The following FHIT variants were observed in gnomAD, a reference collection of about 807,000 sequenced individuals.
The protein encoded by FHIT is bis(5'-adenosyl)-triphosphatase.
A neutral mutation model predicts 17.9 loss-of-function variants in FHIT; 19 were observed. The ratio of observed to expected loss-of-function variants is 1.06; its 90% confidence interval spans 0.74 to 1.56. The LOEUF (loss-of-function observed/expected upper bound fraction) is 1.56, where lower values mean the gene tolerates loss of function less well. Among genes scored for constraint, FHIT ranks in the 40% most tolerant of loss-of-function variants. The probability of loss-of-function intolerance (pLI) is 0.00; values close to 1 mark genes in which losing one functional copy is unlikely to be tolerated. For synonymous variants in FHIT, 81 were observed against 69.7 expected, an observed-to-expected ratio of 1.16 and a Z score of -0.81; for missense variants, 248 against 189.2, an observed-to-expected ratio of 1.31 and a Z score of -1.82.
At chr3:61,210,878 C>A (rs1223466691) in intron 1 of FHIT, among the ~76,000 whole-genome samples, 3 of 151,870 alleles carry the variant, frequency 2.0e-5, no homozygotes, top group African/African-American at 7.2e-5. Context: ...ATGCAGAAAT[C>A]ACCCATCTTC....
chr3:61,027,591 A>G (rs540346518), intron 3 of FHIT, among the ~76,000 whole-genome samples: 3 of 152,228 alleles, frequency 2.0e-5, no homozygotes, highest in African/African-American at 4.8e-5. Context: ...GTGATGGAGA[A>G]TATGCAGATT....
chr3:60,115,889 T>C (rs1704935253), intron 5 of FHIT, among the ~76,000 whole-genome samples: 1 of 146,722 alleles, frequency 6.8e-6, no homozygotes, highest in East Asian at 2.0e-4. Flanking sequence ...TATGCATATA[T>C]GCATTTAGAT....
At position 60,893,132 on chromosome 3, in the gene FHIT, C is replaced by T. The variant is rs1383711713; in HGVS notation, c.-110-71121G>A. ...TCAGAAGCCCCTTGTGTGAGAGGTC[C>T]CTCCCTAAACCCAGAGAAAAGGAGC... On this transcript the variant is annotated intron_variant, in intron 3 of 9. Coordinates refer to ENST00000492590, the MANE Select transcript of FHIT (RefSeq NM_002012.4). Among the ~76,000 whole-genome samples the T allele has an allele frequency of 4.6e-5, 7 of 152,170 alleles. No homozygotes were observed. In the East Asian group the frequency reaches 1.4e-3, roughly 29 times the overall value.
intron 4 of FHIT, among the ~76,000 whole-genome samples, chr3:60,762,651 T>C (rs548672608): frequency 1.4e-4 from 22 of 152,332 alleles, no homozygotes; most frequent in Non-Finnish European, 2.2e-4. Flanking sequence ...TTCAAACATA[T>C]CTGGATGTCA....
At chr3:60,472,143 G>C (rs759482667) in intron 5 of FHIT, among the ~76,000 whole-genome samples, 1 of 132,634 alleles carries the variant, frequency 7.5e-6, no homozygotes, top group Non-Finnish European at 1.5e-5. Context: ...GTAGCTCTCA[G>C]TCTACTTTTT....
intron 5 of FHIT, among the ~76,000 whole-genome samples, chr3:60,146,321 C>T (rs761995659): frequency 2.0e-5 from 3 of 151,554 alleles, no homozygotes; most frequent in Non-Finnish European, 4.4e-5. Flanking sequence ...ACGCTGTCAA[C>T]CAGCTCACAG....
At chr3:61,221,516 A>G (rs370898283) in intron 1 of FHIT, among the ~76,000 whole-genome samples, 1 of 152,312 alleles carries the variant, frequency 6.6e-6, no homozygotes, top group East Asian at 1.9e-4. Context: ...TTAAAAAGTC[A>G]TTCACATTTA....
chr3:61,128,913 G>A (rs1305228370), intron 2 of FHIT, among the ~76,000 whole-genome samples: 2 of 151,944 alleles, frequency 1.3e-5, no homozygotes, highest in Admixed American at 6.6e-5. Flanking sequence ...CCCTATACAT[G>A]CTTCCTACGT....
At chr3:60,538,012 A>C (rs1472791503) in intron 4 of FHIT, among the ~76,000 whole-genome samples, 1 of 152,108 alleles carries the variant, frequency 6.6e-6, no homozygotes, top group East Asian at 1.9e-4. Context: ...GCAACTCCTA[A>C]AATCCTTAGA....
chr3:60,595,579 G>A (rs940694739), intron 4 of FHIT, among the ~76,000 whole-genome samples: 12 of 149,814 alleles, frequency 8.0e-5, no homozygotes, highest in South Asian at 4.2e-4. Context: ...ATATATATAC[G>A]CACATACGTA....
At chr3:60,406,943 A>G (rs1701883326) in intron 5 of FHIT, among the ~76,000 whole-genome samples, 7 of 152,046 alleles carry the variant, frequency 4.6e-5, no homozygotes. Flanking sequence ...TGGTGTCCTT[A>G]TAAGACTGTT....
At chr3:60,912,254 T>A (rs782688964) in intron 3 of FHIT, among the ~76,000 whole-genome samples, 5 of 152,168 alleles carry the variant, frequency 3.3e-5, no homozygotes, top group Non-Finnish European at 7.4e-5. Context: ...TGCTAGGTTT[T>A]TGATTGAGCA....
At chr3:59,928,321 G>C (rs756641065) in intron 7 of FHIT, among the ~76,000 whole-genome samples, 2 of 152,218 alleles carry the variant, frequency 1.3e-5, no homozygotes, top group Non-Finnish European at 2.9e-5. Flanking sequence ...CTGACCTTAA[G>C]ATTGGCAGAG....
At chr3:60,546,564 C>T (rs1238829511) in intron 4 of FHIT, among the ~76,000 whole-genome samples, 1 of 152,162 alleles carries the variant, frequency 6.6e-6, no homozygotes, top group Non-Finnish European at 1.5e-5. Context: ...ATTGTATTTT[C>T]ATTTGTCTTG....
chr3:60,817,390 T>C (rs1274105649), intron 4 of FHIT, among the ~76,000 whole-genome samples: 2 of 152,076 alleles, frequency 1.3e-5, no homozygotes, highest in African/African-American at 4.8e-5. Context: ...ATCTTTCCTT[T>C]AGCATTTCTG....
At chr3:60,204,324 C>G (rs1703057989) in intron 5 of FHIT, among the ~76,000 whole-genome samples, 1 of 152,080 alleles carries the variant, frequency 6.6e-6, no homozygotes, top group Non-Finnish European at 1.5e-5. Context: ...GGCTGGAGTA[C>G]AGTAGCGTGA....
intron 5 of FHIT, among the ~76,000 whole-genome samples, chr3:60,448,059 G>C (rs1014119533): frequency 4.6e-5 from 7 of 152,120 alleles, no homozygotes; most frequent in African/African-American, 1.7e-4. Flanking sequence ...CTATTATGTA[G>C]GTAGCTCAAG....
chr3:61,212,347 T>C (rs2039509401), intron 1 of FHIT, among the ~76,000 whole-genome samples: 1 of 151,986 alleles, frequency 6.6e-6, no homozygotes. Flanking sequence ...GAGAACTACG[T>C]GAAGAATGCA....
At chr3:60,124,005 T>TAG (rs1559653665) in intron 5 of FHIT, among the ~76,000 whole-genome samples, 26 of 20,914 alleles carry the variant, frequency 1.2e-3, no homozygotes, top group Admixed American at 1.2e-3. Context: ...TATATATATA[T>TAG]ATATAGAGAG....
Sources: allele counts gnomAD v4.1 joint callset (sites outside exome capture counted in the v4.1 genomes callset), GRCh38; gene constraint gnomAD v4.1.1; transcripts MANE v1.5; gene names NCBI Gene and HGNC (gene_info 2026-07-23, HGNC 2026-07-21).